Variants in DNAJC1 observed in about 807,000 individuals in gnomAD.
DNAJC1 encodes the protein dnaJ homolog subfamily C member 1.
Under a neutral mutation model 76.6 loss-of-function variants are expected in DNAJC1, and 58 were observed. The observed-to-expected ratio is 0.76, with a 90% CI of 0.61 to 0.94. DNAJC1 has a LOEUF of 0.94. DNAJC1 is among the 40% of genes least tolerant of loss of function. The pLI is 0.00. For missense variants in DNAJC1, 689 were observed against 677.3 expected (o/e 1.02, Z -0.19); for synonymous variants, 258 against 267.9 (o/e 0.96, Z 0.36).
At chr10:21,809,232 C>A (rs964054935) in intron 8 of DNAJC1, among the ~76,000 whole-genome samples, 2 of 151,824 alleles carry the variant, frequency 1.3e-5, no homozygotes, top group African/African-American at 2.4e-5. Context: ...TTATTTGGCA[C>A]TAAAAATTAT....
At chr10:21,871,741 G>A (rs7073199) in intron 8 of DNAJC1, among the ~76,000 whole-genome samples, 73 of 151,874 alleles carry the variant, frequency 4.8e-4, no homozygotes, top group African/African-American at 1.6e-3. Context: ...TCTGCCTCCC[G>A]GGTTCAGACG....
chr10:21,889,936 T>C (rs1012088988), intron 7 of DNAJC1, among the ~76,000 whole-genome samples: 2 of 152,168 alleles, frequency 1.3e-5, no homozygotes, highest in African/African-American at 4.8e-5. Context: ...GCTGCTGCCA[T>C]TGCCAGCCTG....
chr10:21,912,578 T>C (rs1382608902), intron 6 of DNAJC1, among the ~76,000 whole-genome samples: 1 of 152,166 alleles, frequency 6.6e-6, no homozygotes, highest in African/African-American at 2.4e-5. Flanking sequence ...TCTCCATCTA[T>C]TTTCATTTGT....
chr10:21,847,343 A>T (rs890566266), intron 8 of DNAJC1, among the ~76,000 whole-genome samples: 5 of 152,174 alleles, frequency 3.3e-5, no homozygotes, highest in African/African-American at 1.2e-4. Context: ...GGACATATTT[A>T]TGGGGCACAT....
At chr10:21,802,404 C>T (rs1554887125) in intron 9 of DNAJC1, among the ~76,000 whole-genome samples, 1 of 152,160 alleles carries the variant, frequency 6.6e-6, no homozygotes, top group Non-Finnish European at 1.5e-5. Flanking sequence ...GAACAGTCCA[C>T]TTACGTGTTT....
chr10:21,889,217 G>C (rs990519448), intron 7 of DNAJC1, among the ~76,000 whole-genome samples: 5 of 152,116 alleles, frequency 3.3e-5, no homozygotes, highest in African/African-American at 1.2e-4. Flanking sequence ...GAGAGAGAGA[G>C]GGAGGAGCTG....
At chr10:21,828,582 G>A (rs1174633375) in intron 8 of DNAJC1, among the ~76,000 whole-genome samples, 1 of 152,108 alleles carries the variant, frequency 6.6e-6, no homozygotes, top group Admixed American at 6.5e-5. Flanking sequence ...TATGATAGAA[G>A]TAGAACCAAT....
At chr10:21,782,639 G>A (rs1198126951) in intron 9 of DNAJC1, among the ~76,000 whole-genome samples, 10 of 152,168 alleles carry the variant, frequency 6.6e-5, no homozygotes, top group Non-Finnish European at 5.9e-5. Context: ...GAACATCGAT[G>A]CAAAAATCCT....
intron 8 of DNAJC1, among the ~76,000 whole-genome samples, chr10:21,822,169 G>A (rs1286237898): frequency 6.6e-6 from 1 of 152,098 alleles, no homozygotes; most frequent in African/African-American, 2.4e-5. Flanking sequence ...ACAACTGGCA[G>A]GGCACAGTGG....
chr10:21,930,989 TA>T (rs556589259), intron 1 of DNAJC1, among the ~76,000 whole-genome samples: 197 of 152,284 alleles, frequency 1.3e-3, no homozygotes, highest in African/African-American at 4.4e-3. Flanking sequence ...TACTTAAAAA[TA>T]AAAACAACTA....
intron 3 of DNAJC1, among the ~76,000 whole-genome samples, chr10:21,927,611 T>C (rs984876798): frequency 6.6e-6 from 1 of 152,036 alleles, no homozygotes; most frequent in Non-Finnish European, 1.5e-5. Flanking sequence ...AATAAATAAA[T>C]AAAAAACACC....
intron 8 of DNAJC1, among the ~76,000 whole-genome samples, chr10:21,835,929 C>T (rs1004966976): frequency 1.3e-5 from 2 of 152,156 alleles, no homozygotes; most frequent in Admixed American, 6.5e-5. Flanking sequence ...AGAACTTCCC[C>T]AATCTAGCAA....
intron 1 of DNAJC1, among the ~76,000 whole-genome samples, chr10:21,977,443 TAAC>T (rs1324737610): frequency 6.6e-6 from 1 of 152,128 alleles, no homozygotes; most frequent in Non-Finnish European, 1.5e-5. Context: ...TGAATCAAAA[TAAC>T]AACTCTAAAG....
At position 21,787,211 on chromosome 10, in the gene DNAJC1, C is replaced by T. The variant is rs868555154; in HGVS notation, c.1098+18769G>A. 5.9e-5 allele frequency among the ~76,000 whole-genome samples: 9 copies of T among 152,070 alleles called. No homozygotes were observed. In the South Asian group the frequency reaches 1.9e-3, roughly 32 times the overall value. On this transcript the variant is annotated intron_variant, in intron 9 of 11. Transcript: ENST00000376980. Reference sequence around the variant, plus strand: ...GGCATGGTGGCAGGCGCTTGTAGTCCCAGCTACTCAGGAAGCTGAGGCAGG... The same window carrying T: ...GGCATGGTGGCAGGCGCTTGTAGTCTCAGCTACTCAGGAAGCTGAGGCAGG...
chr10:21,883,076 CCTT>C (rs1564816682), intron 7 of DNAJC1, among the ~76,000 whole-genome samples: 1 of 151,988 alleles, frequency 6.6e-6, no homozygotes, highest in Non-Finnish European at 1.5e-5. Flanking sequence ...ATGGCAAAAC[CCTT>C]CTTCTACTAA....
At chr10:21,786,461 TATAGAG>T (rs1158232502) in intron 9 of DNAJC1, among the ~76,000 whole-genome samples, 26 of 32,100 alleles carry the variant, frequency 8.1e-4, no homozygotes, top group African/African-American at 1.4e-3. Context: ...TATATATATA[TATAGAG>T]AGAGAGAGAG....
At chr10:21,924,717 T>A (rs1442011834) in intron 3 of DNAJC1, among the ~76,000 whole-genome samples, 3 of 152,112 alleles carry the variant, frequency 2.0e-5, no homozygotes, top group African/African-American at 4.8e-5. Context: ...AGTCACTGGG[T>A]CTGAAAAATG....
At chr10:21,889,130 G>C (rs1230838928) in intron 7 of DNAJC1, among the ~76,000 whole-genome samples, 1 of 152,138 alleles carries the variant, frequency 6.6e-6, no homozygotes, top group African/African-American at 2.4e-5. Flanking sequence ...TTCTGCCTCT[G>C]GGGAAGTCTC....
chr10:21,819,468 AATTTTAAAATGTAT>A (rs1186818773), intron 8 of DNAJC1, among the ~76,000 whole-genome samples: 2 of 152,178 alleles, frequency 1.3e-5, no homozygotes, highest in East Asian at 3.8e-4. Flanking sequence ...TGAAATTCAA[AATTTTAAAATGTAT>A]TGCTTTACCA....
Sources: allele counts gnomAD v4.1 joint callset (sites outside exome capture counted in the v4.1 genomes callset), GRCh38; gene constraint gnomAD v4.1.1; transcripts MANE v1.5; gene names NCBI Gene and HGNC (gene_info 2026-07-23, HGNC 2026-07-21).